The following NALCN variants were observed in gnomAD, a reference collection of about 807,000 sequenced individuals.
NALCN encodes the protein sodium leak channel NALCN.
Under a neutral mutation model 225.3 loss-of-function variants are expected in NALCN, and 111 were observed. That is an observed-to-expected ratio of 0.49 (90% CI 0.42 to 0.58). NALCN has a LOEUF of 0.58. Among genes scored for constraint, NALCN ranks in the 20% least tolerant of loss-of-function variants. NALCN has a pLI of 0.00. For missense variants in NALCN, 1,378 were observed against 2,202.4 expected, an observed-to-expected ratio of 0.63 and a Z score of 7.49; for synonymous variants, 764 against 769.0, an observed-to-expected ratio of 0.99 and a Z score of 0.11.
chr13:101,278,782 C>A (rs2043050183), intron 10 of NALCN, among the ~76,000 whole-genome samples: 1 of 152,160 alleles, frequency 6.6e-6, no homozygotes, highest in Non-Finnish European at 1.5e-5. Context: ...TTTCTGGAAG[C>A]AAACTCCAAG....
intron 4 of NALCN, 101 bp from the exon 5 acceptor site, chr13:101,377,157 A>G: frequency 7.1e-7 from 1 of 1,416,438 alleles, no homozygotes. Context: ...GTGCACCTCT[A>G]CTCTGAATTT....
At chr13:101,412,177 T>G (rs896303475) in intron 1 of NALCN, among the ~76,000 whole-genome samples, 15 of 152,222 alleles carry the variant, frequency 9.9e-5, no homozygotes, top group African/African-American at 3.1e-4. Context: ...TTGGATTGTT[T>G]TTAATCTAAA....
chr13:101,189,439 C>G (rs376599315), intron 14 of NALCN, among the ~76,000 whole-genome samples: 12 of 152,274 alleles, frequency 7.9e-5, no homozygotes, highest in Admixed American at 5.9e-4. Context: ...GGGCTCAGTG[C>G]TGGTGCTCTA....
At chr13:101,098,537 A>G (rs2034636817) in intron 27 of NALCN, among the ~76,000 whole-genome samples, 1 of 152,162 alleles carries the variant, frequency 6.6e-6, no homozygotes, top group African/African-American at 2.4e-5. Context: ...GTTTTAAGAC[A>G]ACAAACAAAG....
At chr13:101,405,481 C>T (rs2047592068) in intron 1 of NALCN, among the ~76,000 whole-genome samples, 1 of 152,322 alleles carries the variant, frequency 6.6e-6, no homozygotes, top group Admixed American at 6.5e-5. Flanking sequence ...GCTACTGATA[C>T]CTGCACCTCC....
intron 3 of NALCN, among the ~76,000 whole-genome samples, chr13:101,381,855 G>GAA (rs141019937): frequency 2.0e-5 from 3 of 150,434 alleles, no homozygotes; most frequent in East Asian, 1.9e-4. Context: ...GTGTGTTAGG[G>GAA]AAAAAAAAAG....
At chr13:101,194,319 T>C (rs2039804042) in intron 13 of NALCN, among the ~76,000 whole-genome samples, 1 of 152,194 alleles carries the variant, frequency 6.6e-6, no homozygotes, top group Non-Finnish European at 1.5e-5. Flanking sequence ...CTAAATTATA[T>C]TTGCGAACAA....
At chr13:101,185,614 G>A (rs890984379) in intron 14 of NALCN, among the ~76,000 whole-genome samples, 1 of 152,246 alleles carries the variant, frequency 6.6e-6, no homozygotes, top group Non-Finnish European at 1.5e-5. Context: ...GCGGAAGAGA[G>A]AGATGTTTGA....
At chr13:101,088,831 T>C (rs1347291884) in intron 30 of NALCN, among the ~76,000 whole-genome samples, 1 of 152,222 alleles carries the variant, frequency 6.6e-6, no homozygotes, top group Admixed American at 6.5e-5. Context: ...TTAGAGCTGT[T>C]ACAAACTCAA....
At position 101,155,007 on chromosome 13, in the gene NALCN, G is replaced by T. The variant is rs115271104; in HGVS notation, c.1840-10111C>A. Among the ~76,000 whole-genome samples, 131 of 152,312 alleles carry T rather than the reference G, an allele frequency of 8.6e-4. 1 individual carries two copies. The highest frequency in any genetic ancestry group is 2.9e-3 in the African/African-American group (121 of 41,570). ...AACTTGATACAACGTATTCATGGCAGAAAGCTACACAGATGTACATATCTT... is the reference window on the plus strand; with the variant it reads ...AACTTGATACAACGTATTCATGGCATAAAGCTACACAGATGTACATATCTT... On this transcript the variant is annotated intron_variant, in intron 15 of 43. Transcript: ENST00000251127.
At chr13:101,354,304 C>T (rs1401681744) in intron 6 of NALCN, among the ~76,000 whole-genome samples, 1 of 152,172 alleles carries the variant, frequency 6.6e-6, no homozygotes. Context: ...CATCATGCCA[C>T]TGAACTACAG....
At chr13:101,235,930 T>G (rs1274119788) in intron 12 of NALCN, among the ~76,000 whole-genome samples, 1 of 152,176 alleles carries the variant, frequency 6.6e-6, no homozygotes, top group Non-Finnish European at 1.5e-5. Context: ...ATAAATAAAA[T>G]CAATAAAGTT....
At chr13:101,072,061 C>G (rs2032929669) in intron 37 of NALCN, among the ~76,000 whole-genome samples, 1 of 152,102 alleles carries the variant, frequency 6.6e-6, no homozygotes, top group African/African-American at 2.4e-5. Context: ...TCTTATTGAG[C>G]ATGGTTCATG....
intron 27 of NALCN, among the ~76,000 whole-genome samples, chr13:101,099,365 T>C (rs1440870563): frequency 1.3e-5 from 2 of 152,120 alleles, no homozygotes. Context: ...GTATTTTGGC[T>C]GAACAAAGAT....
At chr13:101,348,390 T>C (rs1032299185) in intron 6 of NALCN, among the ~76,000 whole-genome samples, 5 of 152,184 alleles carry the variant, frequency 3.3e-5, no homozygotes, top group Non-Finnish European at 5.9e-5. Context: ...CAATCAATGC[T>C]AGATGTTACC....
At chr13:101,083,914 C>G in intron 30 of NALCN, 110 bp from the exon 31 acceptor site, 2 of 893,798 alleles carry the variant, frequency 2.2e-6, no homozygotes, top group Non-Finnish European at 3.2e-6. Flanking sequence ...CTTGCACTGA[C>G]CATGTTCTTC....
chr13:101,153,380 A>G (rs780710483), intron 15 of NALCN, among the ~76,000 whole-genome samples: 1 of 152,168 alleles, frequency 6.6e-6, no homozygotes, highest in Non-Finnish European at 1.5e-5. Flanking sequence ...TGTGTGCTTG[A>G]GTCCCTTCCC....
intron 17 of NALCN, among the ~76,000 whole-genome samples, chr13:101,133,916 T>C (rs1010989252): frequency 1.4e-4 from 21 of 152,260 alleles, no homozygotes; most frequent in East Asian, 7.7e-4. Flanking sequence ...ACGCCTGTAA[T>C]CCCAGCACTT....
chr13:101,258,885 T>C (rs999256089), intron 10 of NALCN, among the ~76,000 whole-genome samples: 1 of 152,236 alleles, frequency 6.6e-6, no homozygotes, highest in African/African-American at 2.4e-5. Flanking sequence ...TCCTTAATTC[T>C]GACTGTATGG....
Sources: allele counts gnomAD v4.1 joint callset (sites outside exome capture counted in the v4.1 genomes callset), GRCh38; gene constraint gnomAD v4.1.1; transcripts MANE v1.5; gene names NCBI Gene and HGNC (gene_info 2026-07-23, HGNC 2026-07-21).